CEP250: variants seen among roughly 807,000 people sequenced by gnomAD.
CEP250 encodes the protein centrosome-associated protein CEP250.
A neutral mutation model predicts 315.7 loss-of-function variants in CEP250; 242 were observed. The observed-to-expected ratio is 0.77, with a 90% CI of 0.69 to 0.85. The LOEUF is 0.85. CEP250 is among the 40% of genes least tolerant of loss of function. The pLI, the probability that CEP250 is intolerant of heterozygous loss-of-function variation, is 0.00. For missense variants in CEP250, 2,515 were observed against 2,886.4 expected, an observed-to-expected ratio of 0.87 and a Z score of 2.95; for synonymous variants, 1,088 against 1,175.0, an observed-to-expected ratio of 0.93 and a Z score of 1.51.
chr20:35,455,185 G>C (rs1471246483), upstream of CEP250: 1 of 152,302 alleles, frequency 6.6e-6, no homozygotes, highest in African/African-American at 2.4e-5. Context: ...AGCAGCGGCT[G>C]CCGCAGCTCA....
chr20:35,490,796 C>T lies in CEP250; in HGVS notation c.2746C>T (p.Leu916=), dbSNP rs1232866107. 1.9e-6 allele frequency: 3 copies of T among 1,612,606 alleles called. No individual in the cohort carries two copies. The highest frequency in any genetic ancestry group is 2.2e-5 in the East Asian group (1 of 44,876). Residue 916 remains leucine (L), a synonymous_variant, in exon 21 of 35, where the codon CTA becomes TTA. Coordinates refer to ENST00000397527, the MANE Select transcript of CEP250 (RefSeq NM_007186.6). ...EEERTQAESA[L]CQMQLETEKE... ...AGAACGGACCCAGGCAGAGAGTGCC[C>T]TATGCCAGGTGGGAAGCTAGGAGGA... is the stretch of plus-strand genomic sequence containing the variant.
At position 35,478,046 on chromosome 20, in the gene CEP250, C is replaced by T. The variant is rs1298763139; in HGVS notation, c.2039C>T (p.Ala680Val). The change falls in exon 17 of 35, where the codon GCA becomes GTA. Residue 680 changes from alanine to valine, a missense_variant. By Grantham distance (64) the Ala-to-Val change is moderately conservative. Transcript: ENST00000397527. ...KAEEAGAELQ[A>V]DLRDIQEEKE... ...GAGGAGGCTGGGGCTGAGCTGCAGG[C>T]AGATCTCAGGGACATCCAAGAAGAG... is the stretch of plus-strand genomic sequence containing the variant. 2.5e-6 allele frequency: 4 copies of T among 1,613,994 alleles called. No homozygotes were observed. The East Asian group carries it at 6.7e-5, about 27-fold the overall frequency.
chr20:35,493,678 T>G, intron 23 of CEP250, 106 bp downstream of exon 23: 1 of 1,131,286 alleles, frequency 8.8e-7, no homozygotes, highest in Non-Finnish European at 1.2e-6. Flanking sequence ...CTGCCTGGTT[T>G]GGGAGGGTAG....
At chr20:35,509,141 C>A in intron 33 of CEP250, 97 bp downstream of exon 33, 1 of 945,128 alleles carries the variant, frequency 1.1e-6, no homozygotes, top group Non-Finnish European at 1.6e-6. Context: ...AACAGCACTT[C>A]AGCTAGTCCA....
rs746233434 is a variant in CEP250 at position 35,491,245 on chromosome 20, C to G, written c.2788C>G (p.Leu930Val). The G allele has an allele frequency of 3.7e-6, 6 of 1,610,342 alleles. No individual in the cohort carries two copies. The Admixed American group carries it at 1.0e-4, about 27-fold the overall frequency. The stretch of plus-strand genomic sequence containing the variant: ...GGAAACAGAGAAGGAGAGAGTATCC[C>G]TCCTGGAGACACTGCTGCAGACGCA... ...QLETEKERVS[L>V]LETLLQTQKE... Residue 930 changes from leucine (L) to valine (V), a missense_variant, in exon 22 of 35, where the codon CTC becomes GTC. Leu to Val is a conservative substitution (Grantham distance 32, BLOSUM62 1). Coordinates refer to ENST00000397527, the MANE Select transcript of CEP250 (RefSeq NM_007186.6).
intron 14 of CEP250, among the ~76,000 whole-genome samples, chr20:35,474,286 A>G (rs1245725580): frequency 6.6e-6 from 1 of 152,252 alleles, no homozygotes; most frequent in Non-Finnish European, 1.5e-5. Context: ...TACAGAAATG[A>G]ATAAGACAAA....
intron 5 of CEP250, 86 bp from the exon 6 acceptor site, chr20:35,465,657 G>A (rs546999180): frequency 6.9e-6 from 6 of 869,300 alleles, no homozygotes; most frequent in African/African-American, 6.8e-5. Flanking sequence ...AAAAGAAAGT[G>A]GACTGCCATG....
intron 10 of CEP250, among the ~76,000 whole-genome samples, chr20:35,471,320 A>G (rs1382791508): frequency 4.6e-5 from 7 of 152,234 alleles, no homozygotes. Flanking sequence ...TGTCTCATCT[A>G]GATGAGGCAT....
intron 3 of CEP250, among the ~76,000 whole-genome samples, chr20:35,461,010 C>CT (rs1434084586): frequency 6.6e-6 from 1 of 152,194 alleles, no homozygotes; most frequent in Non-Finnish European, 1.5e-5. Context: ...ATAAAAGTGA[C>CT]TAACTCTTCC....
chr20:35,476,935 A>G (rs910050259), intron 16 of CEP250, among the ~76,000 whole-genome samples: 5 of 151,930 alleles, frequency 3.3e-5, no homozygotes, highest in African/African-American at 9.7e-5. Flanking sequence ...TGCAGTTTTC[A>G]TCTCCTGGGT....
intron 27 of CEP250, 29 bp from the exon 28 acceptor site, chr20:35,500,019 TC>T: frequency 6.2e-7 from 1 of 1,613,606 alleles, no homozygotes; most frequent in Non-Finnish European, 8.5e-7. Context: ...GATGAGGAAC[TC>T]ACGTTTAGCC....
intron 33 of CEP250, 123 bp downstream of exon 33, chr20:35,509,167 C>A: frequency 1.3e-6 from 1 of 744,816 alleles, no homozygotes; most frequent in Non-Finnish European, 2.2e-6. Context: ...CCCCTCCTGA[C>A]TGCATTCTGC....
Position 35,503,264 on chromosome 20 carries a change from T to C in CEP250, c.4895T>C (p.Val1632Ala), listed in dbSNP as rs370432289. The change falls in exon 30 of 35, where the codon GTG (valine) becomes GCG (alanine). Residue 1632 changes from valine (V) to alanine (A), a missense_variant. Transcript: ENST00000397527. The surrounding 1 kb of genome is among the most constrained non-coding windows in gnomAD (Gnocchi z 4.2). ...ARELQERDQE[V>A]KSQREQIEEL... Reference sequence around the variant, plus strand: ...GAGCTGCAGGAGAGGGACCAGGAGGTGAAGTCTCAGCGAGAACAGATCGAG... The same window carrying C: ...GAGCTGCAGGAGAGGGACCAGGAGGCGAAGTCTCAGCGAGAACAGATCGAG... The C allele has an allele frequency of 1.2e-5, 19 of 1,613,714 alleles. No individual in the cohort carries two copies. Among genetic ancestry groups the C allele is most frequent in the Non-Finnish European group, 1.5e-5 (18 of 1,179,962 alleles).
Position 35,479,743 on chromosome 20 carries a change from A to G in CEP250, c.2386A>G (p.Thr796Ala). 1 of 1,614,176 alleles carries G rather than the reference A, an allele frequency of 6.2e-7. No homozygotes were observed. Among genetic ancestry groups the G allele is most frequent in the Non-Finnish European group, 8.5e-7 (1 of 1,180,038 alleles). ...GGGGCAGCTGGAGGTCCAGATTCAA[A>G]CTGTCACTCAAGCCAAGGAAGTAAT... Reference protein sequence around the residue: ...TKGQLEVQIQTVTQAKEVIQG... With the variant: ...TKGQLEVQIQAVTQAKEVIQG... The change falls in exon 19 of 35, where the codon ACT becomes GCT. Residue 796 changes from threonine to alanine, a missense_variant. Coordinates refer to ENST00000397527, the MANE Select transcript of CEP250 (RefSeq NM_007186.6).
intron 31 of CEP250, 55 bp from the exon 32 acceptor site, chr20:35,507,980 G>C: frequency 6.2e-7 from 1 of 1,610,924 alleles, no homozygotes. Context: ...TCCTCTGTCT[G>C]TTCCCTACCT....
At chr20:35,479,931 G>A in intron 19 of CEP250, 45 bp from the exon 20 acceptor site, 3 of 1,604,522 alleles carry the variant, frequency 1.9e-6, no homozygotes, top group Non-Finnish European at 2.6e-6. Context: ...ATTTTATTAG[G>A]TAAAAGGAGG....
In CEP250 at chr20:35,493,412, T is replaced by G. The variant is rs770687329; in HGVS notation, c.2890-17T>G. 1.4e-5 allele frequency: 21 copies of G among 1,541,816 alleles called. No individual in the cohort carries two copies. The South Asian group carries it at 2.0e-4, about 14-fold the overall frequency. ...ACACAGATTTCCTCTACTCAATGAT[T>G]TCTTATCCCTCTTCAGGAGACCACT... On this transcript the variant is annotated splice_polypyrimidine_tract_variant and intron_variant, in intron 22 of 34. Coordinates refer to ENST00000397527, the MANE Select transcript of CEP250 (RefSeq NM_007186.6).
chr20:35,455,532 C>T (rs2062597995), upstream of CEP250: 1 of 152,382 alleles, frequency 6.6e-6, no homozygotes, highest in South Asian at 2.1e-4. Context: ...GCGCCGCGCT[C>T]TGCCGCCCCC....
rs910937901 is a variant in CEP250, at chr20:35,516,591, C to T, written c.*4965C>T. 2 of 152,210 alleles carry T rather than the reference C, an allele frequency of 1.3e-5. No homozygotes were observed. Among genetic ancestry groups the T allele is most frequent in the African/African-American group, 4.8e-5 (2 of 41,432 alleles). The allele number at this position is 152,210 out of a possible 1,614,324, so 9.4% of individuals were successfully genotyped here. On this transcript the variant is annotated 3_prime_UTR_variant, in exon 35 of 35. Transcript: ENST00000397527. ...GAGATTGGCTAGCTGCTGCTCCTGC[C>T]CCAGCTATTCAGTCATTTGGCAAAT... is the stretch of plus-strand genomic sequence containing the variant.
Sources: allele counts gnomAD v4.1 joint callset (sites outside exome capture counted in the v4.1 genomes callset), GRCh38; gene constraint gnomAD v4.1.1; non-coding constraint Gnocchi (gnomAD v3.1); transcripts MANE v1.5; gene names NCBI Gene and HGNC (gene_info 2026-07-23, HGNC 2026-07-21).